LRP1B: variants seen among roughly 807,000 people sequenced by gnomAD.
The protein encoded by LRP1B is low-density lipoprotein receptor-related protein 1B.
LRP1B carries 217 observed loss-of-function variants against 556.6 expected under a neutral mutation model. The observed-to-expected ratio is 0.39, with a 90% CI of 0.35 to 0.44. The LOEUF (loss-of-function observed/expected upper bound fraction) is 0.44. Ranked by LOEUF, LRP1B falls within the 20% of genes least tolerant of loss-of-function variation. The pLI is 1.00. For synonymous variants in LRP1B, 2,047 were observed against 1,865.8 expected, an observed-to-expected ratio of 1.10 and a Z score of -2.50; for missense variants, 5,053 against 5,620.8, an observed-to-expected ratio of 0.90 and a Z score of 3.23.
In LRP1B at chr2:141,212,249, A is replaced by ATTTTTTTTTTTTTTT. The variant is rs59699046; in HGVS notation, c.850+16919_850+16933dup. Reference sequence around the variant, plus strand: ...AAGATATATTGATCAAAAAGTCTAGATTTTTTTTTTTTTTTTTTTTTTTTT... The same window carrying ATTTTTTTTTTTTTTT: ...AAGATATATTGATCAAAAAGTCTAGATTTTTTTTTTTTTTTTTTTTTTTTTTTTTTTTTTTTTTTT... On this transcript the variant is annotated intron_variant, in intron 6 of 90. Transcript: ENST00000389484. 1.4e-4 allele frequency among the ~76,000 whole-genome samples: 9 copies of ATTTTTTTTTTTTTTT among 62,266 alleles called. 2 individuals carry two copies. The highest frequency in any genetic ancestry group is 4.4e-4 in the Admixed American group (2 of 4,562). 40.8% of individuals were successfully genotyped at this position (62,266 alleles called of 152,430 possible). A position where few individuals can be genotyped will look rare whatever the true frequency, so the allele number is the denominator to read the frequency against.
intron 29 of LRP1B, among the ~76,000 whole-genome samples, chr2:140,847,447 T>C (rs970353236): frequency 4.6e-5 from 7 of 152,184 alleles, no homozygotes; most frequent in African/African-American, 1.7e-4. Context: ...TCAGTCTGTC[T>C]TGGCTCTCCT....
chr2:141,428,237 T>C (rs929620152), intron 3 of LRP1B, among the ~76,000 whole-genome samples: 4 of 152,160 alleles, frequency 2.6e-5, no homozygotes, highest in African/African-American at 9.7e-5. Context: ...TCTGATTGAA[T>C]TGTGATGAGT....
At chr2:141,723,544 C>T (rs1223766467) in intron 2 of LRP1B, among the ~76,000 whole-genome samples, 1 of 151,614 alleles carries the variant, frequency 6.6e-6, no homozygotes, top group Non-Finnish European at 1.5e-5. Flanking sequence ...TATTCATAAG[C>T]ATCAGAGAAT....
At chr2:141,609,987 T>C (rs1328617659) in intron 2 of LRP1B, among the ~76,000 whole-genome samples, 2 of 152,216 alleles carry the variant, frequency 1.3e-5, no homozygotes, top group Non-Finnish European at 2.9e-5. Context: ...GAAATTTTTA[T>C]TTGTACACCA....
At chr2:142,013,809 A>G (rs1369303115) in intron 1 of LRP1B, among the ~76,000 whole-genome samples, 1 of 152,150 alleles carries the variant, frequency 6.6e-6, no homozygotes, top group Non-Finnish European at 1.5e-5. Flanking sequence ...AAGTAACTCC[A>G]TCTTGAGTGA....
chr2:141,830,906 A>T (rs950343688), intron 1 of LRP1B, among the ~76,000 whole-genome samples: 8 of 151,816 alleles, frequency 5.3e-5, no homozygotes, highest in Non-Finnish European at 1.5e-5. Flanking sequence ...AACTAAGCAT[A>T]GCTAAGTGCA....
chr2:140,742,636 C>A (rs1373830469), intron 35 of LRP1B, among the ~76,000 whole-genome samples: 1 of 151,870 alleles, frequency 6.6e-6, no homozygotes, highest in East Asian at 1.9e-4. Context: ...TGGGGTCTCA[C>A]TATGTTACCC....
intron 1 of LRP1B, among the ~76,000 whole-genome samples, chr2:141,936,702 T>C (rs1357132359): frequency 6.6e-6 from 1 of 152,204 alleles, no homozygotes; most frequent in Non-Finnish European, 1.5e-5. Context: ...GCATTTTGTA[T>C]TCCCATTGAC....
At chr2:141,209,290 C>G (rs773254446) in intron 6 of LRP1B, among the ~76,000 whole-genome samples, 2 of 152,084 alleles carry the variant, frequency 1.3e-5, no homozygotes, top group Non-Finnish European at 2.9e-5. Context: ...AGTAAGTTCT[C>G]AGGAGATCTG....
chr2:141,439,016 A>G (rs2104999185), intron 3 of LRP1B, among the ~76,000 whole-genome samples: 1 of 152,306 alleles, frequency 6.6e-6, no homozygotes, highest in African/African-American at 2.4e-5. Flanking sequence ...ATTTTGATCC[A>G]ATTTGAAAAA....
intron 1 of LRP1B, among the ~76,000 whole-genome samples, chr2:141,912,369 C>G (rs1435604): frequency 0.87 from 132,524 of 152,082 alleles, 57,833 homozygotes; most frequent in East Asian, 1. Flanking sequence ...AGTATTCTTT[C>G]TTGGCATTTA....
chr2:140,774,047 GATATATT>G (rs1170109548), intron 33 of LRP1B, among the ~76,000 whole-genome samples: 1 of 152,154 alleles, frequency 6.6e-6, no homozygotes, highest in East Asian at 1.9e-4. Flanking sequence ...TGTCAAAAAT[GATATATT>G]AAGTCACTAA....
chr2:141,083,984 G>A (rs189338551), intron 7 of LRP1B, among the ~76,000 whole-genome samples: 5 of 152,300 alleles, frequency 3.3e-5, no homozygotes. Flanking sequence ...ACATGTATCA[G>A]CTGGGAATAA....
chr2:141,219,505 T>C (rs1307573238), intron 6 of LRP1B, among the ~76,000 whole-genome samples: 1 of 152,198 alleles, frequency 6.6e-6, no homozygotes, highest in African/African-American at 2.4e-5. Flanking sequence ...TTAGTGGACC[T>C]AGTCTTTCCT....
At chr2:140,417,062 C>A (rs1685233469) in intron 66 of LRP1B, among the ~76,000 whole-genome samples, 1 of 152,146 alleles carries the variant, frequency 6.6e-6, no homozygotes, top group African/African-American at 2.4e-5. Flanking sequence ...CCAACTAAGC[C>A]AGGAAACCTT....
chr2:141,498,424 CT>C (rs1417125087), intron 2 of LRP1B, among the ~76,000 whole-genome samples: 1 of 151,226 alleles, frequency 6.6e-6, no homozygotes, highest in Admixed American at 6.6e-5. Flanking sequence ...AATTCTGGAC[CT>C]GTTCTCTTCA....
intron 1 of LRP1B, among the ~76,000 whole-genome samples, chr2:141,953,397 A>G (rs1280930065): frequency 2.6e-5 from 4 of 152,142 alleles, no homozygotes; most frequent in Non-Finnish European, 4.4e-5. Flanking sequence ...AAGTATATTT[A>G]AAACTCAACT....
At chr2:140,342,097 T>C (rs1681424758) in intron 77 of LRP1B, among the ~76,000 whole-genome samples, 1 of 151,490 alleles carries the variant, frequency 6.6e-6, no homozygotes, top group Non-Finnish European at 1.5e-5. Context: ...GCTATGTAAG[T>C]ATTATATAAC....
chr2:141,172,152 TC>T (rs1436439040), intron 7 of LRP1B, among the ~76,000 whole-genome samples: 1 of 152,068 alleles, frequency 6.6e-6, no homozygotes, highest in African/African-American at 2.4e-5. Flanking sequence ...ATAACTTTTA[TC>T]ATGAAATAGT....
Sources: allele counts gnomAD v4.1 joint callset (sites outside exome capture counted in the v4.1 genomes callset), GRCh38; gene constraint gnomAD v4.1.1; transcripts MANE v1.5; gene names NCBI Gene and HGNC (gene_info 2026-07-23, HGNC 2026-07-21).